Variants in LGR5 observed in about 807,000 individuals in gnomAD.
LGR5 encodes the protein leucine rich repeat containing G protein-coupled receptor 5.
LGR5 carries 54 observed loss-of-function variants against 76.7 expected under a neutral mutation model. That is an observed-to-expected ratio of 0.70 (90% CI 0.57 to 0.88). LGR5 has a LOEUF of 0.88. Ranked by LOEUF, LGR5 falls within the 40% of genes least tolerant of loss-of-function variation. LGR5 has a pLI of 0.00. For missense variants in LGR5, 1,078 were observed against 1,073.3 expected (o/e 1.00, Z -0.06); for synonymous variants, 406 against 421.9 (o/e 0.96, Z 0.46).
chr12:71,507,244 T>C (rs1874901685), intron 2 of LGR5, among the ~76,000 whole-genome samples: 1 of 152,110 alleles, frequency 6.6e-6, no homozygotes. Context: ...AAAGCTAAGA[T>C]TCAAAATGAC....
At position 71,578,784 on chromosome 12, in the gene LGR5, T is replaced by A. The variant is rs1318435827; in HGVS notation, c.1281-20T>A. 1 of 1,584,412 alleles carries A rather than the reference T, an allele frequency of 6.3e-7. No individual in the cohort carries two copies. The highest frequency in any genetic ancestry group is 8.6e-7 in the Non-Finnish European group (1 of 1,167,988). ...ATGCTAACATAGACTAAAAGCCAAT[T>A]GTTGTTTGATGTTTTGCAGGGACCT... On this transcript the variant is annotated intron_variant, in intron 14 of 17. Coordinates refer to ENST00000266674, the MANE Select transcript of LGR5 (RefSeq NM_003667.4).
intron 1 of LGR5, among the ~76,000 whole-genome samples, chr12:71,472,718 G>A (rs1873153087): frequency 6.6e-6 from 1 of 152,188 alleles, no homozygotes; most frequent in African/African-American, 2.4e-5. Context: ...ATAGGGCTGG[G>A]GGATCCATAC....
intron 1 of LGR5, among the ~76,000 whole-genome samples, chr12:71,474,125 C>A (rs1873220879): frequency 7.3e-6 from 1 of 137,300 alleles, no homozygotes; most frequent in Non-Finnish European, 1.6e-5. Flanking sequence ...ATATATATTT[C>A]AATTCTATAA....
chr12:71,499,098 A>G (rs1411670466), intron 1 of LGR5, among the ~76,000 whole-genome samples: 1 of 152,190 alleles, frequency 6.6e-6, no homozygotes, highest in Non-Finnish European at 1.5e-5. Flanking sequence ...AATAACAGAG[A>G]AGATAAAGGA....
chr12:71,512,848 G>T (rs1875231477), intron 2 of LGR5, among the ~76,000 whole-genome samples: 1 of 152,176 alleles, frequency 6.6e-6, no homozygotes, highest in Admixed American at 6.5e-5. Context: ...AACGTTGTTG[G>T]AATGTAAGTG....
intron 6 of LGR5, among the ~76,000 whole-genome samples, chr12:71,557,260 G>C (rs1877818560): frequency 6.6e-6 from 1 of 152,154 alleles, no homozygotes; most frequent in Admixed American, 6.5e-5. Context: ...ACTCCAACCT[G>C]GGTGACAGAG....
intron 4 of LGR5, among the ~76,000 whole-genome samples, chr12:71,552,307 G>C (rs1164389898): frequency 6.6e-6 from 1 of 152,142 alleles, no homozygotes; most frequent in Non-Finnish European, 1.5e-5. Flanking sequence ...GCTCACACCT[G>C]TAATCCCAGT....
rs1282757789 is a variant in LGR5 at position 71,465,516 on chromosome 12, C to A, written c.212+25224C>A. The stretch of plus-strand genomic sequence containing the variant: ...AATGTTTATGATCCTTGGCTTTTCT[C>A]CCCCTGTGCTTTAAACAAAACTCAG... On this transcript the variant is annotated intron_variant, in intron 1 of 17. Coordinates refer to ENST00000266674, the MANE Select transcript of LGR5 (RefSeq NM_003667.4). 2.0e-5 allele frequency among the ~76,000 whole-genome samples: 3 copies of A among 152,272 alleles called. No individual in the cohort carries two copies. The South Asian group carries it at 6.2e-4, about 32-fold the overall frequency.
chr12:71,513,036 A>G (rs1267844218), intron 2 of LGR5, among the ~76,000 whole-genome samples: 1 of 152,188 alleles, frequency 6.6e-6, no homozygotes, highest in East Asian at 1.9e-4. Context: ...TTAAAAATGC[A>G]GATTTCCAAG....
chr12:71,471,352 G>A (rs1173526110), intron 1 of LGR5, among the ~76,000 whole-genome samples: 2 of 152,178 alleles, frequency 1.3e-5, no homozygotes, highest in East Asian at 1.9e-4. Flanking sequence ...GATACAATAT[G>A]AATGAGCCTT....
chr12:71,553,858 A>G (rs1183229673), intron 5 of LGR5, among the ~76,000 whole-genome samples: 1 of 152,216 alleles, frequency 6.6e-6, no homozygotes, highest in Non-Finnish European at 1.5e-5. Context: ...TGCGAAGCCA[A>G]GGCGGGTGTA....
At chr12:71,553,843 C>T (rs1877622655) in intron 5 of LGR5, among the ~76,000 whole-genome samples, 1 of 152,176 alleles carries the variant, frequency 6.6e-6, no homozygotes, top group East Asian at 1.9e-4. Context: ...GTAATCCCAG[C>T]ACTTTGCGAA....
intron 1 of LGR5, among the ~76,000 whole-genome samples, chr12:71,502,840 T>C (rs1030133258): frequency 6.6e-6 from 1 of 152,238 alleles, no homozygotes; most frequent in Non-Finnish European, 1.5e-5. Flanking sequence ...GGAGTGCTTA[T>C]GAATCACCTT....
chr12:71,517,609 T>C (rs553687799), intron 2 of LGR5, among the ~76,000 whole-genome samples: 4 of 152,348 alleles, frequency 2.6e-5, no homozygotes, highest in African/African-American at 7.2e-5. Flanking sequence ...TTGAAGGCTA[T>C]GTTTTAGAGC....
chr12:71,522,769 C>T (rs369884565), intron 2 of LGR5, among the ~76,000 whole-genome samples: 1 of 152,118 alleles, frequency 6.6e-6, no homozygotes, highest in Non-Finnish European at 1.5e-5. Context: ...AAAACAGGCA[C>T]AAACACAAAT....
chr12:71,494,651 G>T (rs1195338843), intron 1 of LGR5, among the ~76,000 whole-genome samples: 1 of 151,042 alleles, frequency 6.6e-6, no homozygotes, highest in Non-Finnish European at 1.5e-5. Context: ...AAATTTGCTG[G>T]TGTTCCCAGC....
At chr12:71,510,679 A>G (rs1397505524) in intron 2 of LGR5, among the ~76,000 whole-genome samples, 1 of 152,178 alleles carries the variant, frequency 6.6e-6, no homozygotes, top group African/African-American at 2.4e-5. Flanking sequence ...ACAACTGCAT[A>G]TGATATTTGC....
chr12:71,572,946 C>T (rs1878682678), intron 13 of LGR5, 25 bp downstream of exon 13: 1 of 1,565,874 alleles, frequency 6.4e-7, no homozygotes, highest in African/African-American at 1.4e-5. Flanking sequence ...CCAGTGCGTT[C>T]CCCAGCACAG....
At chr12:71,557,712 G>C (rs1232751081) in intron 6 of LGR5, among the ~76,000 whole-genome samples, 2 of 152,186 alleles carry the variant, frequency 1.3e-5, no homozygotes, top group Admixed American at 6.5e-5. Context: ...GCCCTGTTGA[G>C]AAAGGTGTGA....
Sources: gnomAD v4.1 joint callset for allele counts (sites outside exome capture counted in the v4.1 genomes callset) on GRCh38, gnomAD v4.1.1 for gene constraint, MANE v1.5 for transcripts, NCBI Gene and HGNC (gene_info 2026-07-23, HGNC 2026-07-21) for gene names.